Variants in MROH2A observed in about 807,000 individuals in gnomAD.
The protein encoded by MROH2A is maestro heat-like repeat-containing protein family member 2A.
A neutral mutation model predicts 200.4 loss-of-function variants in MROH2A; 174 were observed. The ratio of observed to expected loss-of-function variants is 0.87; its 90% confidence interval spans 0.77 to 0.98. The LOEUF (loss-of-function observed/expected upper bound fraction) is 0.98, where lower values mean the gene tolerates loss of function less well. Ranked by LOEUF, MROH2A falls within the 50% of genes least tolerant of loss-of-function variation. The pLI, the probability that MROH2A is intolerant of heterozygous loss-of-function variation, is 0.00. For missense variants in MROH2A, 2,045 were observed against 2,139.6 expected, an observed-to-expected ratio of 0.96 and a Z score of 0.87; for synonymous variants, 829 against 840.4, an observed-to-expected ratio of 0.99 and a Z score of 0.23.
chr2:233,829,525 A>G (rs1016504244), intron 37 of MROH2A, 95 bp from the exon 38 acceptor site: 10 of 1,218,810 alleles, frequency 8.2e-6, no homozygotes, highest in Non-Finnish European at 1.1e-5. Context: ...AAGGCTCTGC[A>G]GGGACCAAGG....
At chr2:233,777,937 A>G (rs942133008), upstream of MROH2A, among the ~76,000 whole-genome samples, 11 of 152,014 alleles carry the variant, frequency 7.2e-5, no homozygotes, top group Admixed American at 1.3e-4. Context: ...TGGAAATCCA[A>G]TTTCTTATCC....
intron 26 of MROH2A, among the ~76,000 whole-genome samples, chr2:233,815,677 C>T (rs1347168555): frequency 6.6e-6 from 1 of 152,138 alleles, no homozygotes; most frequent in Non-Finnish European, 1.5e-5. Flanking sequence ...TATCTTTGCA[C>T]CTTTGTTGAA....
At chr2:233,800,110 G>A in intron 13 of MROH2A, 95 bp from the exon 14 acceptor site, 1 of 1,085,754 alleles carries the variant, frequency 9.2e-7, no homozygotes, top group Non-Finnish European at 1.3e-6. Flanking sequence ...TCAGTATCTG[G>A]GCATGGAGCC....
chr2:233,789,720 A>G, intron 4 of MROH2A, 92 bp downstream of exon 4: 1 of 1,449,986 alleles, frequency 6.9e-7, no homozygotes, highest in Non-Finnish European at 9.1e-7. Flanking sequence ...AGCCCTGTGC[A>G]GTTACCTCTC....
intron 3 of MROH2A, among the ~76,000 whole-genome samples, chr2:233,787,911 ATTAT>A (rs1250403649): frequency 1.0e-4 from 4 of 40,080 alleles, no homozygotes; most frequent in East Asian, 1.3e-3. Context: ...ATACATATAT[ATTAT>A]ATATATACAT....
intron 35 of MROH2A, among the ~76,000 whole-genome samples, chr2:233,824,122 GT>G (rs67800362): frequency 0.034 from 5,226 of 152,290 alleles, 278 homozygotes; most frequent in African/African-American, 0.12. Context: ...GCCGGCCAGT[GT>G]TTTCTGTAAA....
At chr2:233,832,126 AT>A (rs1308199535) in intron 39 of MROH2A, 50 bp from the exon 40 acceptor site, 1 of 1,435,016 alleles carries the variant, frequency 7.0e-7, no homozygotes, top group African/African-American at 1.4e-5. Flanking sequence ...ATGACAGCCC[AT>A]TGTCAGGGTC....
chr2:233,820,287 T>A lies in MROH2A; in HGVS notation c.3512+231T>A, dbSNP rs1055063487. Among the ~76,000 whole-genome samples the A allele has an allele frequency of 5.3e-5, 8 of 151,910 alleles. No homozygotes were observed. The highest frequency in any genetic ancestry group is 2.0e-4 in the East Asian group (1 of 4,962). On this transcript the variant is annotated intron_variant, in intron 31 of 41. Transcript: ENST00000389758. The surrounding 1 kb of genome is among the most constrained non-coding windows in gnomAD (Gnocchi z 4.1). ...CACATGGAGCTGGAATCTGGACCCG[T>A]AGCTCCCCACATGCCCGGGACAGTG... is the stretch of plus-strand genomic sequence containing the variant.
chr2:233,808,371 AGCCCATG>A (rs1294614876), intron 21 of MROH2A, among the ~76,000 whole-genome samples: 4 of 152,194 alleles, frequency 2.6e-5, no homozygotes, highest in African/African-American at 9.7e-5. Flanking sequence ...GGACCCAGAC[AGCCCATG>A]GCCCTATCCT....
chr2:233,824,518 G>A (rs543182972), intron 35 of MROH2A, among the ~76,000 whole-genome samples: 1 of 152,346 alleles, frequency 6.6e-6, no homozygotes, highest in South Asian at 2.1e-4. Flanking sequence ...GTCCTTTGAT[G>A]TGCCTGAGTT....
chr2:233,795,531 C>A, intron 8 of MROH2A, 122 bp from the exon 9 acceptor site: 1 of 1,453,562 alleles, frequency 6.9e-7, no homozygotes, highest in Non-Finnish European at 9.4e-7. Flanking sequence ...GTCTGCATTT[C>A]TAATCAGCTC....
At chr2:233,777,278 C>A (rs1047380675), upstream of MROH2A, among the ~76,000 whole-genome samples, 2 of 152,222 alleles carry the variant, frequency 1.3e-5, no homozygotes, top group Non-Finnish European at 2.9e-5. Context: ...CCTATATCCA[C>A]TGCAGCATGG....
In MROH2A at chr2:233,794,460, T is replaced by G. The variant is rs1456385240; in HGVS notation, c.920T>G (p.Leu307Arg). The change falls in exon 8 of 42, where the codon CTG becomes CGG. Residue 307 changes from leucine (L) to arginine (R), a missense_variant. By Grantham distance (102) the Leu-to-Arg change is moderately radical. Coordinates refer to ENST00000389758, the MANE Select transcript of MROH2A (RefSeq NM_001394639.1). ...REQVYDYIPL[L>R]LAEYQGSLEV... ...CAGGTCTACGACTACATCCCCCTGCTGCTGGCGGAGTACCAGGGCAGTCTG... is the reference window on the plus strand; with the variant it reads ...CAGGTCTACGACTACATCCCCCTGCGGCTGGCGGAGTACCAGGGCAGTCTG... 1.3e-6 allele frequency: 2 copies of G among 1,550,378 alleles called. No homozygotes were observed. The highest frequency in any genetic ancestry group is 3.9e-5 in the Admixed American group (2 of 51,004).
chr2:233,790,314 C>T (rs561647400), intron 5 of MROH2A, among the ~76,000 whole-genome samples: 13 of 145,112 alleles, frequency 9.0e-5, no homozygotes, highest in South Asian at 4.5e-4. Context: ...CTTCCTCTTT[C>T]GTTTCCTTTT....
intron 38 of MROH2A, among the ~76,000 whole-genome samples, 185 bp from the exon 39 acceptor site, chr2:233,831,224 C>A (rs213546): frequency 0.47 from 71,905 of 152,184 alleles, 17,583 homozygotes; most frequent in South Asian, 0.59. Flanking sequence ...ATAAATGTAC[C>A]TGCAGCCATG....
In MROH2A at chr2:233,829,733, C is replaced by T. The variant is rs945832974; in HGVS notation, c.4560C>T (p.Pro1520=). The change falls in exon 38 of 42, where the codon CCC becomes CCT. Residue 1520 remains proline (P), a synonymous_variant. Coordinates refer to ENST00000389758, the MANE Select transcript of MROH2A (RefSeq NM_001394639.1). Reference sequence around the variant, plus strand: ...GGGAGGTGAAGAAGGCCTGGATCCCCCTCATGCTGCACTCCCAGGACCCCT... The same window carrying T: ...GGGAGGTGAAGAAGGCCTGGATCCCTCTCATGCTGCACTCCCAGGACCCCT... ...FKGEVKKAWI[P]LMLHSQDPCS... 6 of 1,473,294 alleles carry T rather than the reference C, an allele frequency of 4.1e-6. No individual in the cohort carries two copies. The highest frequency in any genetic ancestry group is 5.4e-6 in the Non-Finnish European group (6 of 1,108,930). The allele number at this position is 1,473,294 out of a possible 1,614,324, so 91.3% of individuals were successfully genotyped here.
chr2:233,780,022 G>A (rs1365584845), intron 3 of MROH2A, among the ~76,000 whole-genome samples, 170 bp downstream of exon 3: 1 of 152,250 alleles, frequency 6.6e-6, no homozygotes, highest in African/African-American at 2.4e-5. Flanking sequence ...GACCTGAGAT[G>A]TTCATAATTT....
chr2:233,788,962 AAAAAAAAGAGTAACTTGTCATGCCTGATT>A, intron 3 of MROH2A, among the ~76,000 whole-genome samples: 1 of 149,574 alleles, frequency 6.7e-6, no homozygotes, highest in African/African-American at 2.5e-5. Context: ...AAAAAAAAAA[AAAAAAAAGAGTAACTTGTCATGCCTGATT>A]AAAAGTATTC....
At position 233,818,120 on chromosome 2, in the gene MROH2A, T is replaced by C; in HGVS notation, c.3080T>C (p.Leu1027Pro). Residue 1027 changes from leucine (L) to proline (P), a missense_variant, in exon 28 of 42, where the codon CTT becomes CCT. Transcript: ENST00000389758. ...AATGTCCTGTCCAGCCTGCTAGATC[T>C]TCACGGTATGAGAGGGCAGGACATG... is the stretch of plus-strand genomic sequence containing the variant. ...SMNVLSSLLD[L>P]HASQTCSLWG... 6.4e-7 allele frequency: 1 copy of C among 1,550,544 alleles called. No individual in the cohort carries two copies. The highest frequency in any genetic ancestry group is 8.7e-7 in the Non-Finnish European group (1 of 1,146,976).
Sources: gnomAD v4.1 joint callset for allele counts (sites outside exome capture counted in the v4.1 genomes callset) on GRCh38, gnomAD v4.1.1 for gene constraint, Gnocchi (gnomAD v3.1) non-coding constraint, MANE v1.5 for transcripts, NCBI Gene and HGNC (gene_info 2026-07-23, HGNC 2026-07-21) for gene names.